The following MARK1 variants were observed in gnomAD, a reference collection of about 807,000 sequenced individuals.
MARK1 encodes the protein serine/threonine-protein kinase MARK1.
MARK1 carries 40 observed loss-of-function variants against 96.3 expected under a neutral mutation model. That is an observed-to-expected ratio of 0.42 (90% CI 0.32 to 0.54). The LOEUF is 0.54. Among genes scored for constraint, MARK1 ranks in the 20% least tolerant of loss-of-function variants. The pLI is 0.16. For missense variants in MARK1, 719 were observed against 984.6 expected, an observed-to-expected ratio of 0.73 and a Z score of 3.61; for synonymous variants, 317 against 341.2, an observed-to-expected ratio of 0.93 and a Z score of 0.78.
At chr1:220,596,142 C>A (rs1321739221) in intron 3 of MARK1, among the ~76,000 whole-genome samples, 1 of 152,068 alleles carries the variant, frequency 6.6e-6, no homozygotes, top group Non-Finnish European at 1.5e-5. Context: ...TATTTGAAGC[C>A]ATGATAAATC....
intron 5 of MARK1, among the ~76,000 whole-genome samples, chr1:220,603,339 A>G (rs1665869081): frequency 6.6e-6 from 1 of 152,094 alleles, no homozygotes; most frequent in East Asian, 1.9e-4. Flanking sequence ...TAGAAAATTT[A>G]TACAGCTTCT....
chr1:220,540,059 T>C (rs953953339), intron 1 of MARK1, among the ~76,000 whole-genome samples: 12 of 152,192 alleles, frequency 7.9e-5, no homozygotes, highest in Non-Finnish European at 1.6e-4. Flanking sequence ...TTACTAGTTA[T>C]AGCTTTGTTT....
chr1:220,623,534 A>T (rs1667158834), intron 9 of MARK1, among the ~76,000 whole-genome samples: 1 of 151,998 alleles, frequency 6.6e-6, no homozygotes, highest in African/African-American at 2.4e-5. Context: ...TGTGAGACAA[A>T]CTCCTTAGTA....
intron 1 of MARK1, among the ~76,000 whole-genome samples, chr1:220,533,239 A>G (rs1660450449): frequency 6.6e-6 from 1 of 152,186 alleles, no homozygotes; most frequent in Non-Finnish European, 1.5e-5. Flanking sequence ...TGTTTGTTGT[A>G]GCTGAACAGT....
At position 220,618,910 on chromosome 1, in the gene MARK1, A is replaced by C. The variant is rs1262183199; in HGVS notation, c.909+155A>C. On this transcript the variant is annotated intron_variant, in intron 9 of 17. Coordinates refer to ENST00000366917, the MANE Select transcript of MARK1 (RefSeq NM_018650.5). This position sits in a 1 kb window ranked among gnomAD's most constrained non-coding sequence, Gnocchi z 4.6. Reference sequence around the variant, plus strand: ...AGGGAAAATTACATGACTTTTTTTCACTTTCAAAAGTTGCCACAGTAGCTG... The same window carrying C: ...AGGGAAAATTACATGACTTTTTTTCCCTTTCAAAAGTTGCCACAGTAGCTG... 6.6e-6 allele frequency among the ~76,000 whole-genome samples: 1 copy of C among 152,114 alleles called. No individual in the cohort carries two copies. Among genetic ancestry groups the C allele is most frequent in the Non-Finnish European group, 1.5e-5 (1 of 67,996 alleles).
At chr1:220,558,381 A>G (rs1320263325) in intron 1 of MARK1, among the ~76,000 whole-genome samples, 1 of 151,598 alleles carries the variant, frequency 6.6e-6, no homozygotes, top group Non-Finnish European at 1.5e-5. Flanking sequence ...AGAAAAAGAA[A>G]AAACCAGGTA....
chr1:220,639,246 G>A (rs112244320), intron 13 of MARK1, among the ~76,000 whole-genome samples: 3,995 of 152,094 alleles, frequency 0.026, 183 homozygotes, highest in African/African-American at 0.091. Flanking sequence ...CTGGGTGACA[G>A]AGTGAGAGAC....
chr1:220,582,903 G>A (rs1572122399), intron 3 of MARK1, among the ~76,000 whole-genome samples: 1 of 152,276 alleles, frequency 6.6e-6, no homozygotes, highest in Admixed American at 6.5e-5. Context: ...AATGTAGCCA[G>A]TACACTGTGT....
intron 3 of MARK1, among the ~76,000 whole-genome samples, chr1:220,591,548 G>C (rs1210149075): frequency 6.6e-6 from 1 of 152,122 alleles, no homozygotes; most frequent in Non-Finnish European, 1.5e-5. Flanking sequence ...ACACTTCCTA[G>C]TACACAGGAA....
intron 9 of MARK1, among the ~76,000 whole-genome samples, chr1:220,625,202 T>C (rs757574609): frequency 3.0e-4 from 45 of 152,210 alleles, no homozygotes; most frequent in Non-Finnish European, 5.3e-4. Context: ...GAGATAAACC[T>C]CTACACAACT....
intron 1 of MARK1, among the ~76,000 whole-genome samples, chr1:220,530,923 G>C (rs1660271937): frequency 6.6e-6 from 1 of 150,756 alleles, no homozygotes; most frequent in Admixed American, 6.7e-5. Flanking sequence ...CAATTAATAA[G>C]TATGCACTCA....
chr1:220,633,195 C>T (rs931018772), intron 11 of MARK1, among the ~76,000 whole-genome samples: 15 of 152,178 alleles, frequency 9.9e-5, no homozygotes, highest in Admixed American at 2.6e-4. Context: ...ATACCTCCCT[C>T]TAGGCCCACT....
At chr1:220,542,234 T>C (rs1661195020) in intron 1 of MARK1, among the ~76,000 whole-genome samples, 1 of 152,260 alleles carries the variant, frequency 6.6e-6, no homozygotes, top group Non-Finnish European at 1.5e-5. Flanking sequence ...TCATCTTCAT[T>C]TCCTTGAACA....
At chr1:220,567,772 T>C (rs1663158531) in intron 1 of MARK1, among the ~76,000 whole-genome samples, 1 of 152,202 alleles carries the variant, frequency 6.6e-6, no homozygotes, top group Admixed American at 6.5e-5. Context: ...TTTTATAGAA[T>C]AGTAAACTGA....
At chr1:220,634,658 T>C (rs949903057) in intron 11 of MARK1, among the ~76,000 whole-genome samples, 15 of 152,242 alleles carry the variant, frequency 9.9e-5, no homozygotes, top group Admixed American at 7.9e-4. Context: ...TGATTTATCA[T>C]TAGTATTATC....
chr1:220,592,256 T>TATTATATTATATTAC (rs1211541557), intron 3 of MARK1, among the ~76,000 whole-genome samples: 2 of 147,680 alleles, frequency 1.4e-5, no homozygotes, highest in Non-Finnish European at 3.0e-5. Flanking sequence ...TATTATATTA[T>TATTATATTATATTAC]ATTATATTAT....
intron 6 of MARK1, among the ~76,000 whole-genome samples, chr1:220,613,215 A>G (rs538262231): frequency 2.0e-5 from 3 of 152,328 alleles, no homozygotes; most frequent in African/African-American, 7.2e-5. Flanking sequence ...GGATTCTTGC[A>G]TTGAGTCAGA....
At chr1:220,592,036 G>A (rs1572139816) in intron 3 of MARK1, among the ~76,000 whole-genome samples, 1 of 151,906 alleles carries the variant, frequency 6.6e-6, no homozygotes, top group East Asian at 1.9e-4. Context: ...CAACAAACAT[G>A]TACTTCATTG....
chr1:220,535,630 G>A (rs931491846), intron 1 of MARK1, among the ~76,000 whole-genome samples: 6 of 151,864 alleles, frequency 4.0e-5, no homozygotes, highest in Non-Finnish European at 8.8e-5. Context: ...TTTCTTCTAG[G>A]GATTTTATAA....
Sources: gnomAD v4.1 joint callset for allele counts (sites outside exome capture counted in the v4.1 genomes callset) on GRCh38, gnomAD v4.1.1 for gene constraint, Gnocchi (gnomAD v3.1) non-coding constraint, MANE v1.5 for transcripts, NCBI Gene and HGNC (gene_info 2026-07-23, HGNC 2026-07-21) for gene names.